Variants in PHACTR4 observed in about 807,000 individuals in gnomAD.
The protein encoded by PHACTR4 is protein phosphatase 1, regulatory subunit 124.
Under a neutral mutation model 72.7 loss-of-function variants are expected in PHACTR4, and 51 were observed. The ratio of observed to expected loss-of-function variants is 0.70; its 90% CI spans 0.56 to 0.89. The LOEUF (loss-of-function observed/expected upper bound fraction) is 0.89. Among genes scored for constraint, PHACTR4 ranks in the 40% least tolerant of loss-of-function variants. The pLI, the probability that PHACTR4 is intolerant of heterozygous loss-of-function variation, is 0.00. For synonymous variants in PHACTR4, 255 were observed against 302.5 expected (o/e 0.84, Z 1.63); for missense variants, 731 against 861.8 (o/e 0.85, Z 1.90).
chr1:28,444,179 TTTG>T (rs1324484502), intron 2 of PHACTR4, among the ~76,000 whole-genome samples: 2 of 151,726 alleles, frequency 1.3e-5, no homozygotes, highest in Non-Finnish European at 2.9e-5. Flanking sequence ...CACCTGATGA[TTTG>T]TTATGTTGAG....
At chr1:28,471,443 A>G (rs1659554620) in intron 6 of PHACTR4, among the ~76,000 whole-genome samples, 1 of 152,146 alleles carries the variant, frequency 6.6e-6, no homozygotes, top group African/African-American at 2.4e-5. Flanking sequence ...GAAGTTTTTG[A>G]GAGTGTTTGA....
rs143437008 is a variant in PHACTR4, at chr1:28,473,299, T to G, written c.824-255T>G. Among the ~76,000 whole-genome samples, 1,258 of 149,106 alleles carry G rather than the reference T, an allele frequency of 8.4e-3. 18 individuals carry two copies. Among genetic ancestry groups the G allele is most frequent in the African/African-American group, 0.03 (1,202 of 40,452 alleles). On this transcript the variant is annotated intron_variant, in intron 6 of 13. Transcript: ENST00000373839. ...TCAAAAAAAAAAAAAAAAAAAAAATTGTCATATCTGTTGCCATAGCAATGA... is the reference window on the plus strand; with the variant it reads ...TCAAAAAAAAAAAAAAAAAAAAAATGGTCATATCTGTTGCCATAGCAATGA...
Position 28,466,760 on chromosome 1 carries a change from C to G in PHACTR4, c.815C>G (p.Pro272Arg), listed in dbSNP as rs757088676. 1 of 1,609,320 alleles carries G rather than the reference C, an allele frequency of 6.2e-7. No homozygotes were observed. The highest frequency in any genetic ancestry group is 1.1e-5 in the South Asian group (1 of 90,790). Residue 272 changes from proline to arginine, a missense_variant, in exon 6 of 14, where the codon CCT becomes CGT. This residue lies in a region of PHACTR4 where 621 missense variants were observed against 676.6 expected (regional missense o/e 0.92). Coordinates refer to ENST00000373839, the MANE Select transcript of PHACTR4 (RefSeq NM_001048183.3). ...PPKPAHRNSNPVIAELSQAIN... is the reference protein window; with the variant it reads ...PPKPAHRNSNRVIAELSQAIN... ...AAACCAGCTCACAGAAATAGCAACC[C>G]TGTCATTGGTAAGTAAGTCTTTAGG... is the stretch of plus-strand genomic sequence containing the variant.
intron 1 of PHACTR4, among the ~76,000 whole-genome samples, chr1:28,377,237 CT>C (rs1304157166): frequency 1.3e-3 from 172 of 136,716 alleles, no homozygotes; most frequent in East Asian, 1.5e-3. Context: ...CGCACCCAGC[CT>C]TTTTTTTTTT....
intron 13 of PHACTR4, chr1:28,494,411 C>G (rs1041752460): frequency 6.6e-6 from 1 of 152,168 alleles, no homozygotes; most frequent in African/African-American, 2.4e-5. Context: ...AATCCCAGCA[C>G]TTTGGGAGGC....
chr1:28,466,731 C>T lies in PHACTR4; in HGVS notation c.786C>T (p.Pro262=). 6.2e-7 allele frequency: 1 copy of T among 1,613,140 alleles called. No homozygotes were observed. The highest frequency in any genetic ancestry group is 8.5e-7 in the Non-Finnish European group (1 of 1,179,406). ...MVPAKQPPIP[P]PKPAHRNSNP... ...CTGCCAAGCAGCCCCCTATCCCTCC[C>T]CCTAAACCAGCTCACAGAAATAGCA... Residue 262 remains proline (P), a synonymous_variant, in exon 6 of 14, where the codon CCC becomes CCT. Transcript: ENST00000373839.
intron 1 of PHACTR4, among the ~76,000 whole-genome samples, chr1:28,396,614 T>A (rs555415353): frequency 6.6e-6 from 1 of 151,822 alleles, no homozygotes; most frequent in East Asian, 1.9e-4. Flanking sequence ...AAGGTCACTC[T>A]AGAAGAATAG....
chr1:28,378,460 G>A (rs1267241689), intron 1 of PHACTR4, among the ~76,000 whole-genome samples: 1 of 151,454 alleles, frequency 6.6e-6, no homozygotes, highest in Non-Finnish European at 1.5e-5. Flanking sequence ...CCAAGATCAT[G>A]CCATTGCACT....
chr1:28,450,744 C>T (rs772848432), intron 2 of PHACTR4, among the ~76,000 whole-genome samples: 15 of 151,944 alleles, frequency 9.9e-5, no homozygotes, highest in East Asian at 9.7e-4. Context: ...CTTAGCCTAC[C>T]GAGTATCTGG....
At chr1:28,460,328 G>A (rs1166763667) in intron 4 of PHACTR4, 36 bp downstream of exon 4, 1 of 1,423,172 alleles carries the variant, frequency 7.0e-7, no homozygotes, top group Non-Finnish European at 9.9e-7. Context: ...GCCTGTCTCT[G>A]TGCACTTGGT....
At chr1:28,465,509 G>C (rs549331670) in intron 4 of PHACTR4, among the ~76,000 whole-genome samples, 176 bp from the exon 5 acceptor site, 1 of 152,038 alleles carries the variant, frequency 6.6e-6, no homozygotes, top group Non-Finnish European at 1.5e-5. Context: ...CTAGCACTTC[G>C]GGAGACCAAG....
intron 2 of PHACTR4, chr1:28,457,821 T>C: frequency 7.1e-6 from 7 of 985,536 alleles, no homozygotes; most frequent in Non-Finnish European, 8.4e-6. Flanking sequence ...TCTTTTTTTC[T>C]TCCTCTCTAG....
At chr1:28,496,216 C>T (rs1661349537) in intron 13 of PHACTR4, among the ~76,000 whole-genome samples, 1 of 151,790 alleles carries the variant, frequency 6.6e-6, no homozygotes, top group African/African-American at 2.4e-5. Context: ...GCCACCACGC[C>T]CAGCTAATTT....
At chr1:28,443,359 G>T (rs1657190343) in intron 2 of PHACTR4, among the ~76,000 whole-genome samples, 1 of 151,924 alleles carries the variant, frequency 6.6e-6, no homozygotes, top group Non-Finnish European at 1.5e-5. Context: ...TCGGCTCACT[G>T]CAACCTCCAC....
chr1:28,475,359 A>G (rs1415663707), intron 7 of PHACTR4, among the ~76,000 whole-genome samples: 2 of 152,028 alleles, frequency 1.3e-5, no homozygotes, highest in African/African-American at 4.8e-5. Flanking sequence ...CTAGTTTTAT[A>G]TACTACAGGG....
chr1:28,404,836 G>A (rs181771871), intron 1 of PHACTR4, among the ~76,000 whole-genome samples: 6 of 152,114 alleles, frequency 3.9e-5, no homozygotes, highest in Admixed American at 6.6e-5. Flanking sequence ...TGTGTGTTAC[G>A]GGGGTTTGGT....
At chr1:28,370,435 C>T (rs950841751) in intron 1 of PHACTR4, among the ~76,000 whole-genome samples, 1 of 152,132 alleles carries the variant, frequency 6.6e-6, no homozygotes, top group African/African-American at 2.4e-5. Flanking sequence ...CCCTCTCTCC[C>T]ACCCTCTACA....
chr1:28,496,610 A>G lies in PHACTR4; in HGVS notation c.*61A>G, dbSNP rs1661378305. The G allele has an allele frequency of 6.3e-7, 1 of 1,587,774 alleles. No individual in the cohort carries two copies. The highest frequency in any genetic ancestry group is 1.3e-5 in the African/African-American group (1 of 74,380). On this transcript the variant is annotated 3_prime_UTR_variant, in exon 14 of 14. Transcript: ENST00000373839. ...TTGCTGCTTCCTTCTCCAAAGTGAC[A>G]TATGGAGGGAACTTTAGCACTTCCC...
At chr1:28,424,190 A>T (rs1049440141) in intron 2 of PHACTR4, among the ~76,000 whole-genome samples, 33 of 151,802 alleles carry the variant, frequency 2.2e-4, no homozygotes, top group Admixed American at 3.9e-4. Context: ...TTAATTAATT[A>T]TTTTTTTATT....
Sources: allele counts gnomAD v4.1 joint callset (sites outside exome capture counted in the v4.1 genomes callset), GRCh38; gene constraint gnomAD v4.1.1; regional missense constraint gnomAD v4.1.1; transcripts MANE v1.5; gene names NCBI Gene and HGNC (gene_info 2026-07-23, HGNC 2026-07-21).